The following AKAP7 variants were observed in gnomAD, a reference collection of about 807,000 sequenced individuals.
AKAP7 encodes A kinase (PRKA) anchor protein 7.
A neutral mutation model predicts 39.5 loss-of-function variants in AKAP7; 39 were observed. The observed-to-expected ratio is 0.99, with a 90% CI of 0.76 to 1.29. The LOEUF is 1.29. Among genes scored for constraint, AKAP7 ranks in the 50% most tolerant of loss-of-function variants. The pLI is 0.00. For missense variants in AKAP7, 414 were observed against 407.7 expected (o/e 1.02, Z -0.13); for synonymous variants, 140 against 139.1 (o/e 1.01, Z -0.05).
intron 5 of AKAP7, among the ~76,000 whole-genome samples, chr6:131,196,572 T>C (rs1031893625): frequency 7.2e-5 from 11 of 152,112 alleles, no homozygotes; most frequent in African/African-American, 2.7e-4. Flanking sequence ...CCTGCATTTT[T>C]CAACTCTAGA....
chr6:131,131,000 A>G (rs1344486359), upstream of AKAP7, among the ~76,000 whole-genome samples: 2 of 152,224 alleles, frequency 1.3e-5, no homozygotes, highest in African/African-American at 4.8e-5. Flanking sequence ...AATGTTGGCT[A>G]ATTTTTAGCC....
rs1334270814 is a variant in AKAP7, at chr6:131,281,599, C to T, written c.920C>T (p.Ala307Val). The change falls in exon 8 of 8, where the codon GCG becomes GTG. Residue 307 changes from alanine to valine, a missense_variant. Coordinates refer to ENST00000431975, the MANE Select transcript of AKAP7 (RefSeq NM_016377.4). This position sits in a 1 kb window ranked among gnomAD's most constrained non-coding sequence, Gnocchi z 4.0. ...VRLSKRLVEN[A>V]VLKAVQQYLE... ...CTCAGTAAGAGGCTGGTGGAGAACG[C>T]GGTGCTCAAGGCTGTCCAGCAGTAT... is the stretch of plus-strand genomic sequence containing the variant. 6.2e-6 allele frequency: 10 copies of T among 1,613,204 alleles called. No individual in the cohort carries two copies. The highest frequency in any genetic ancestry group is 1.7e-4 in the Middle Eastern group (1 of 6,052).
At chr6:131,174,438 A>G (rs947737295) in intron 5 of AKAP7, among the ~76,000 whole-genome samples, 4 of 152,238 alleles carry the variant, frequency 2.6e-5, no homozygotes, top group African/African-American at 4.8e-5. Context: ...TTTTAAAAGA[A>G]TGCCTCAGGC....
intron 7 of AKAP7, among the ~76,000 whole-genome samples, chr6:131,279,953 C>T (rs1349691172): frequency 2.0e-5 from 3 of 152,032 alleles, no homozygotes; most frequent in African/African-American, 4.8e-5. Context: ...GTATAAACAC[C>T]GTGTTGTAAG....
intron 7 of AKAP7, among the ~76,000 whole-genome samples, chr6:131,275,827 C>A (rs927811813): frequency 1.3e-5 from 2 of 152,176 alleles, no homozygotes; most frequent in Non-Finnish European, 2.9e-5. Flanking sequence ...ATTCCAAATG[C>A]GCCAGCACTT....
chr6:131,219,605 T>C (rs1562222969), intron 6 of AKAP7, 56 bp from the exon 7 acceptor site: 1 of 1,497,106 alleles, frequency 6.7e-7, no homozygotes. Flanking sequence ...GATGTAGTTA[T>C]GAACTGGCTG....
At chr6:131,231,239 G>GC (rs1810598151) in intron 7 of AKAP7, among the ~76,000 whole-genome samples, 2 of 151,954 alleles carry the variant, frequency 1.3e-5, no homozygotes, top group South Asian at 4.1e-4. Flanking sequence ...GTATAAAAAT[G>GC]CCCCAGACAG....
chr6:131,266,695 T>A (rs1212277412), intron 7 of AKAP7, among the ~76,000 whole-genome samples: 2 of 147,838 alleles, frequency 1.4e-5, no homozygotes, highest in Non-Finnish European at 1.5e-5. Context: ...TTGTTGTTGT[T>A]GTTGTTGTTG....
chr6:131,160,987 T>C (rs7772245), intron 3 of AKAP7, among the ~76,000 whole-genome samples: 76,559 of 132,916 alleles, frequency 0.58, 20,536 homozygotes, highest in East Asian at 0.81. Context: ...GTTTTTACCC[T>C]TTGGCCCAAT....
chr6:131,281,787 T>G lies in AKAP7; in HGVS notation c.*61T>G. 1 of 1,469,470 alleles carries G rather than the reference T, an allele frequency of 6.8e-7. No individual in the cohort carries two copies. Among genetic ancestry groups the G allele is most frequent in the Non-Finnish European group, 9.0e-7 (1 of 1,109,476 alleles). The allele number at this position is 1,469,470 out of a possible 1,614,324, so 91.0% of individuals were successfully genotyped here. A position where few individuals can be genotyped will look rare whatever the true frequency, so the allele number is the denominator to read the frequency against. Reference sequence around the variant, plus strand: ...CCTCCCTGCTTCCCTCTGCTGAGTCTAGGGACTGACTTGCAGCGTGCTGTT... The same window carrying G: ...CCTCCCTGCTTCCCTCTGCTGAGTCGAGGGACTGACTTGCAGCGTGCTGTT... On this transcript the variant is annotated 3_prime_UTR_variant, in exon 8 of 8. Coordinates refer to ENST00000431975, the MANE Select transcript of AKAP7 (RefSeq NM_016377.4). The surrounding 1 kb of genome is among the most constrained non-coding windows in gnomAD (Gnocchi z 4.0).
chr6:131,191,179 T>C (rs1023334016), intron 5 of AKAP7, among the ~76,000 whole-genome samples: 1 of 152,208 alleles, frequency 6.6e-6, no homozygotes, highest in African/African-American at 2.4e-5. Flanking sequence ...AGTTAGTCCA[T>C]CATGACATAT....
At chr6:131,241,635 A>ATATATATGTGTGTGTGTG in intron 7 of AKAP7, among the ~76,000 whole-genome samples, 1 of 86,640 alleles carries the variant, frequency 1.2e-5, no homozygotes, top group South Asian at 3.1e-4. Flanking sequence ...GTGTATATAT[A>ATATATATGTGTGTGTGTG]TATGACAGTT....
intron 7 of AKAP7, among the ~76,000 whole-genome samples, chr6:131,258,486 C>T (rs920666205): frequency 2.0e-5 from 3 of 152,132 alleles, no homozygotes; most frequent in African/African-American, 4.8e-5. Context: ...AGCTTCTATC[C>T]CAGGCAGGAT....
intron 2 of AKAP7, among the ~76,000 whole-genome samples, chr6:131,151,483 G>A (rs1255679474): frequency 1.3e-5 from 2 of 151,170 alleles, no homozygotes; most frequent in Admixed American, 6.6e-5. Flanking sequence ...GGTGGCTCAC[G>A]CCTGTAATCC....
intron 6 of AKAP7, among the ~76,000 whole-genome samples, chr6:131,206,528 G>A (rs1808110613): frequency 6.6e-6 from 1 of 152,152 alleles, no homozygotes; most frequent in Non-Finnish European, 1.5e-5. Flanking sequence ...AATGGAAAAG[G>A]AGAGCATATG....
In AKAP7 at chr6:131,146,094, C is replaced by T. The variant is rs117016292; in HGVS notation, c.151+678C>T. The stretch of plus-strand genomic sequence containing the variant: ...CACATGTTTACTAGCTGTTTGGTAT[C>T]CTCTAAGCACTTTGCTAGGCATTGA... On this transcript the variant is annotated intron_variant, in intron 2 of 7. Coordinates refer to ENST00000431975, the MANE Select transcript of AKAP7 (RefSeq NM_016377.4). Among the ~76,000 whole-genome samples the T allele has an allele frequency of 3.3e-5, 5 of 152,236 alleles. No homozygotes were observed. The East Asian group carries it at 9.7e-4, about 29-fold the overall frequency.
chr6:131,203,293 A>C (rs1225537962), intron 6 of AKAP7, among the ~76,000 whole-genome samples: 4 of 152,086 alleles, frequency 2.6e-5, no homozygotes, highest in African/African-American at 9.7e-5. Context: ...TTCTCTCGGC[A>C]CTAATTTTCT....
At chr6:131,145,719 AT>A (rs1485652870) in intron 2 of AKAP7, among the ~76,000 whole-genome samples, 2 of 151,902 alleles carry the variant, frequency 1.3e-5, no homozygotes, top group African/African-American at 2.4e-5. Flanking sequence ...ATGTGGCTAC[AT>A]TTTTATTTTT....
Position 131,282,739 on chromosome 6 carries a change from T to C in AKAP7, c.*1013T>C. On this transcript the variant is annotated 3_prime_UTR_variant, in exon 8 of 8. Transcript: ENST00000431975. ...CCAACATTTGGTGAGGAATTAGCAA[T>C]TTCTTGCCAAAGAAAATTGATTCTG... is the stretch of plus-strand genomic sequence containing the variant. 1.6e-6 allele frequency: 1 copy of C among 640,820 alleles called. No individual in the cohort carries two copies. The highest frequency in any genetic ancestry group is 2.4e-6 in the Non-Finnish European group (1 of 418,040). 39.7% of individuals were successfully genotyped at this position (640,820 alleles called of 1,614,324 possible).
Sources: allele counts gnomAD v4.1 joint callset (sites outside exome capture counted in the v4.1 genomes callset), GRCh38; gene constraint gnomAD v4.1.1; non-coding constraint Gnocchi (gnomAD v3.1); transcripts MANE v1.5; gene names NCBI Gene and HGNC (gene_info 2026-07-23, HGNC 2026-07-21).